DUOX1: variants seen among roughly 807,000 people sequenced by gnomAD.
DUOX1 encodes dual oxidase 1.
DUOX1 carries 134 observed loss-of-function variants against 181.8 expected under a neutral mutation model. That is an observed-to-expected ratio of 0.74 (90% confidence interval 0.64 to 0.85). The LOEUF is 0.85. DUOX1 is among the 40% of genes least tolerant of loss of function. The pLI is 0.00. For missense variants in DUOX1, 1,814 were observed against 2,064.4 expected (o/e 0.88, Z 2.35); for synonymous variants, 798 against 832.5 (o/e 0.96, Z 0.71).
At chr15:45,158,296 C>T (rs1897012531) in intron 28 of DUOX1, among the ~76,000 whole-genome samples, 1 of 152,034 alleles carries the variant, frequency 6.6e-6, no homozygotes, top group African/African-American at 2.4e-5. Context: ...GAAGAAAGAG[C>T]CAGTTCAAAG....
intron 27 of DUOX1, among the ~76,000 whole-genome samples, chr15:45,154,368 G>T (rs1414028967): frequency 6.6e-6 from 1 of 152,176 alleles, no homozygotes; most frequent in African/African-American, 2.4e-5. Flanking sequence ...TGCCCCAGCT[G>T]CATGGGGGAA....
intron 12 of DUOX1, among the ~76,000 whole-genome samples, chr15:45,140,282 A>G (rs1896455550): frequency 6.6e-6 from 1 of 152,206 alleles, no homozygotes; most frequent in Admixed American, 6.5e-5. Flanking sequence ...AGGCCAATAA[A>G]GAAGTGATAT....
At position 45,139,060 on chromosome 15, in the gene DUOX1, A is replaced by G; in HGVS notation, c.1114-6A>G. 1 of 1,612,852 alleles carries G rather than the reference A, an allele frequency of 6.2e-7. No individual in the cohort carries two copies. The highest frequency in any genetic ancestry group is 8.5e-7 in the Non-Finnish European group (1 of 1,179,384). ...CCCCTTTCCTCCCCACCCCCAACCTATAAAGCACCCAAGCCTACAAAGTGC... is the reference window on the plus strand; with the variant it reads ...CCCCTTTCCTCCCCACCCCCAACCTGTAAAGCACCCAAGCCTACAAAGTGC... On this transcript the variant is annotated splice_region_variant and splice_polypyrimidine_tract_variant and intron_variant, in intron 10 of 33. Transcript: ENST00000389037.
Position 45,165,045 on chromosome 15 carries a change from A to G in DUOX1, c.*144A>G. 1 of 905,074 alleles carries G rather than the reference A, an allele frequency of 1.1e-6. No homozygotes were observed. Among genetic ancestry groups the G allele is most frequent in the Non-Finnish European group, 1.7e-6 (1 of 592,146 alleles). 56.1% of individuals were successfully genotyped at this position (905,074 alleles called of 1,614,324 possible). On this transcript the variant is annotated 3_prime_UTR_variant, in exon 34 of 34. Transcript: ENST00000389037. Reference sequence around the variant, plus strand: ...TTGTTCCAGGTGGCCATAGTCAGTCACCATGTGTGGGCTCAGGGACCCCCA... The same window carrying G: ...TTGTTCCAGGTGGCCATAGTCAGTCGCCATGTGTGGGCTCAGGGACCCCCA...
Position 45,135,197 on chromosome 15 carries a change from T to C in DUOX1, c.401T>C (p.Phe134Ser), listed in dbSNP as rs1260784224. 3 of 1,613,606 alleles carry C rather than the reference T, an allele frequency of 1.9e-6. No homozygotes were observed. The highest frequency in any genetic ancestry group is 1.7e-6 in the Non-Finnish European group (2 of 1,180,002). The stretch of plus-strand genomic sequence containing the variant: ...CGCATCCCGCCCGGAGACCCCATGT[T>C]CGACCCCGACCAGCGCGGGGACGTG... Reference protein sequence around the residue: ...NIRIPPGDPMFDPDQRGDVVL... With the variant: ...NIRIPPGDPMSDPDQRGDVVL... Residue 134 changes from phenylalanine (F) to serine (S), a missense_variant, in exon 5 of 34, where the codon TTC (phenylalanine) becomes TCC (serine). Physicochemically the swap from Phe to Ser is radical, Grantham distance 155. Around this residue, in one of 5 missense-constraint regions of DUOX1, gnomAD observed 320 missense variants for 313.1 expected, o/e 1.02. Coordinates refer to ENST00000389037, the MANE Select transcript of DUOX1 (RefSeq NM_175940.3).
intron 28 of DUOX1, among the ~76,000 whole-genome samples, chr15:45,156,666 C>T (rs7173906): frequency 0.18 from 27,235 of 152,052 alleles, 2,936 homozygotes; most frequent in East Asian, 0.42. Flanking sequence ...TTCCTGACCT[C>T]GTGATCCACC....
rs1380956995 is a variant in DUOX1 at position 45,155,784 on chromosome 15, C to G, written c.3575-18C>G. The G allele has an allele frequency of 6.2e-7, 1 of 1,613,070 alleles. No individual in the cohort carries two copies. Among genetic ancestry groups the G allele is most frequent in the African/African-American group, 1.3e-5 (1 of 74,940 alleles). ...AAGGCACTGATCTTCTGCCTTCCACCCTATATTCATTTTGCAGGCCTCACG... is the reference window on the plus strand; with the variant it reads ...AAGGCACTGATCTTCTGCCTTCCACGCTATATTCATTTTGCAGGCCTCACG... On this transcript the variant is annotated intron_variant, in intron 27 of 33. Transcript: ENST00000389037.
chr15:45,148,626 T>C (rs1281580949), intron 21 of DUOX1, 179 bp downstream of exon 21: 2 of 448,022 alleles, frequency 4.5e-6, no homozygotes, highest in Admixed American at 4.4e-5. Flanking sequence ...TATATCAACA[T>C]AATTATACAA....
intron 17 of DUOX1, 125 bp downstream of exon 17, chr15:45,144,360 T>C: frequency 9.5e-7 from 1 of 1,055,426 alleles, no homozygotes; most frequent in Non-Finnish European, 1.4e-6. Context: ...GTCTGGCTTC[T>C]TGTTCCCAGG....
intron 4 of DUOX1, among the ~76,000 whole-genome samples, 159 bp from the exon 5 acceptor site, chr15:45,134,945 A>G (rs1896248942): frequency 6.6e-6 from 1 of 152,206 alleles, no homozygotes; most frequent in Non-Finnish European, 1.5e-5. Flanking sequence ...AGAAGAGACA[A>G]ACAACTGGGA....
chr15:45,159,672 G>C (rs1447646182), intron 28 of DUOX1, among the ~76,000 whole-genome samples: 2 of 152,182 alleles, frequency 1.3e-5, no homozygotes, highest in African/African-American at 4.8e-5. Context: ...ACATGGAAAA[G>C]GGAGACTAGT....
At chr15:45,137,221 A>T (rs1263206108) in intron 9 of DUOX1, among the ~76,000 whole-genome samples, 1 of 148,720 alleles carries the variant, frequency 6.7e-6, no homozygotes, top group Non-Finnish European at 1.5e-5. Context: ...TTAGCCAGGC[A>T]TGGTGGTGCA....
rs762629768 is a variant in DUOX1 at position 45,151,978 on chromosome 15, A to G, written c.3119A>G (p.Asn1040Ser). ...CAACAGTTCAAGCGCTTCATTGAGA[A>G]CTACCGGCGCCACATCGGCTGCGTG... Reference protein sequence around the residue: ...TVQQFKRFIENYRRHIGCVAV... With the variant: ...TVQQFKRFIESYRRHIGCVAV... Residue 1040 changes from asparagine to serine, a missense_variant, in exon 24 of 34, where the codon AAC (asparagine) becomes AGC (serine). Physicochemically the swap from Asn to Ser is conservative, Grantham distance 46. Around this residue, in one of 5 missense-constraint regions of DUOX1, gnomAD observed 1,064 missense variants for 1,152.9 expected, o/e 0.92. Coordinates refer to ENST00000389037, the MANE Select transcript of DUOX1 (RefSeq NM_175940.3). The G allele has an allele frequency of 1.2e-6, 2 of 1,613,920 alleles. No homozygotes were observed. The highest frequency in any genetic ancestry group is 1.7e-6 in the Non-Finnish European group (2 of 1,179,996).
At chr15:45,149,210 A>T (rs969356147) in intron 21 of DUOX1, among the ~76,000 whole-genome samples, 2 of 152,226 alleles carry the variant, frequency 1.3e-5, no homozygotes, top group Admixed American at 1.3e-4. Context: ...TAGGCTGAGC[A>T]GCCTCCACAG....
Position 45,144,073 on chromosome 15 carries a change from C to T in DUOX1, c.1974C>T (p.Pro658=), listed in dbSNP as rs760808049. Residue 658 remains proline (P), a synonymous_variant, in exon 17 of 34, where the codon CCC becomes CCT. Transcript: ENST00000389037. Reference sequence around the variant, plus strand: ...AAGGCCACAAGGAGCCCTGCCGGCCCGTGCTTGTGTACCTGCAGCCCGGGC... The same window carrying T: ...AAGGCCACAAGGAGCCCTGCCGGCCTGTGCTTGTGTACCTGCAGCCCGGGC... ...EWQGHKEPCR[P]VLVYLQPGQI... is the part of the protein sequence containing the mutation. 27 of 1,613,938 alleles carry T rather than the reference C, an allele frequency of 1.7e-5. No individual in the cohort carries two copies. Among genetic ancestry groups the T allele is most frequent in the Middle Eastern group, 1.6e-4 (1 of 6,084 alleles).
At chr15:45,147,295 C>T (rs1194348481) in intron 18 of DUOX1, 138 bp from the exon 19 acceptor site, 1 of 1,115,372 alleles carries the variant, frequency 9.0e-7, no homozygotes, top group East Asian at 2.6e-5. Context: ...AACATGGCCT[C>T]AGGCACCACC....
intron 18 of DUOX1, among the ~76,000 whole-genome samples, chr15:45,146,450 C>A (rs1359422328): frequency 2.0e-5 from 3 of 152,164 alleles, no homozygotes; most frequent in Non-Finnish European, 4.4e-5. Flanking sequence ...ATGGGAACTC[C>A]CTGTGCTGAG....
chr15:45,149,993 T>C (rs944710890), intron 21 of DUOX1, among the ~76,000 whole-genome samples: 3 of 152,266 alleles, frequency 2.0e-5, no homozygotes, highest in East Asian at 1.9e-4. Context: ...GTTCAGCTTA[T>C]CTTCTTTTGA....
intron 2 of DUOX1, among the ~76,000 whole-genome samples, chr15:45,132,648 T>C (rs1447704560): frequency 2.0e-5 from 3 of 152,162 alleles, no homozygotes; most frequent in Non-Finnish European, 4.4e-5. Context: ...AGAAAACCTG[T>C]AGAAGGATCT....
Sources: gnomAD v4.1 joint callset for allele counts (sites outside exome capture counted in the v4.1 genomes callset) on GRCh38, gnomAD v4.1.1 for gene constraint, gnomAD v4.1.1 regional missense constraint, MANE v1.5 for transcripts, NCBI Gene and HGNC (gene_info 2026-07-23, HGNC 2026-07-21) for gene names.